Variants in CAMSAP2 observed in about 807,000 individuals in gnomAD.
CAMSAP2 encodes calmodulin-regulated spectrin-associated protein 2.
In CAMSAP2, 26 loss-of-function variants were observed where a neutral mutation model predicts 146.1. The ratio of observed to expected loss-of-function variants is 0.18; its 90% CI spans 0.13 to 0.25. CAMSAP2 has a LOEUF of 0.25. Among genes scored for constraint, CAMSAP2 ranks in the 10% least tolerant of loss-of-function variants. The pLI, the probability that CAMSAP2 is intolerant of heterozygous loss-of-function variation, is 1.00. For synonymous variants in CAMSAP2, 499 were observed against 596.6 expected, an observed-to-expected ratio of 0.84 and a Z score of 2.38; for missense variants, 1,381 against 1,759.3, an observed-to-expected ratio of 0.78 and a Z score of 3.85.
At chr1:200,803,930 T>A (rs1382582670) in intron 2 of CAMSAP2, among the ~76,000 whole-genome samples, 1 of 2,736 alleles carries the variant, frequency 3.7e-4, no homozygotes, top group African/African-American at 7.2e-4. Flanking sequence ...TCTGTTTTTC[T>A]TTTTTTTTTT....
chr1:200,837,235 A>G (rs1302993578), intron 6 of CAMSAP2, among the ~76,000 whole-genome samples: 3 of 152,120 alleles, frequency 2.0e-5, no homozygotes, highest in Non-Finnish European at 4.4e-5. Context: ...TTTATATTTA[A>G]TTCTTTAATC....
At chr1:200,753,897 A>C (rs1664577467) in intron 1 of CAMSAP2, among the ~76,000 whole-genome samples, 4 of 152,166 alleles carry the variant, frequency 2.6e-5, no homozygotes. Flanking sequence ...TCCACAGAAG[A>C]CTTGGGCAAG....
chr1:200,841,870 C>T, intron 6 of CAMSAP2, 124 bp from the exon 7 acceptor site: 1 of 683,314 alleles, frequency 1.5e-6, no homozygotes, highest in Non-Finnish European at 2.6e-6. Context: ...GTTTAATAGC[C>T]TACTATAGTG....
At chr1:200,756,140 T>C (rs966979203) in intron 1 of CAMSAP2, among the ~76,000 whole-genome samples, 1 of 152,104 alleles carries the variant, frequency 6.6e-6, no homozygotes, top group Non-Finnish European at 1.5e-5. Flanking sequence ...AGTTAATTAC[T>C]GAACTCAAGA....
chr1:200,776,326 C>T (rs116738995), intron 2 of CAMSAP2, among the ~76,000 whole-genome samples: 306 of 152,236 alleles, frequency 2.0e-3, no homozygotes, highest in African/African-American at 6.7e-3. Context: ...GGTTCCAACC[C>T]CTGATGCAGA....
chr1:200,805,203 TC>T (rs1280484526), intron 2 of CAMSAP2, among the ~76,000 whole-genome samples: 1 of 152,214 alleles, frequency 6.6e-6, no homozygotes, highest in African/African-American at 2.4e-5. Flanking sequence ...GCATTCTGCT[TC>T]TTACAAAGCG....
At chr1:200,770,514 T>C (rs6427858) in intron 2 of CAMSAP2, among the ~76,000 whole-genome samples, 93,842 of 151,348 alleles carry the variant, frequency 0.62, 29,295 homozygotes, top group East Asian at 0.71. Context: ...CCTGGGTTCA[T>C]GCCATTCTCT....
intron 2 of CAMSAP2, among the ~76,000 whole-genome samples, chr1:200,767,615 A>C (rs989220574): frequency 3.9e-5 from 6 of 152,060 alleles, no homozygotes; most frequent in African/African-American, 1.2e-4. Flanking sequence ...TTCCCTGTTT[A>C]AGAACAGGAT....
intron 4 of CAMSAP2, among the ~76,000 whole-genome samples, chr1:200,817,153 CACATACACACACGTGTGTGT>C (rs1300925625): frequency 1.8e-5 from 2 of 114,136 alleles, no homozygotes; most frequent in African/African-American, 3.7e-5. Context: ...TACACATACA[CACATACACACACGTGTGTGT>C]ATATACACAC....
chr1:200,759,016 A>C (rs1183206314), intron 1 of CAMSAP2, among the ~76,000 whole-genome samples: 1 of 152,188 alleles, frequency 6.6e-6, no homozygotes, highest in African/African-American at 2.4e-5. Flanking sequence ...ACTGTCCTGT[A>C]AAACTGTCAG....
At chr1:200,783,198 A>G (rs1001864732) in intron 2 of CAMSAP2, among the ~76,000 whole-genome samples, 6 of 152,090 alleles carry the variant, frequency 3.9e-5, no homozygotes, top group African/African-American at 1.2e-4. Context: ...TTCTTTGCCA[A>G]TACTTTTGGT....
At chr1:200,838,984 C>T (rs1463639674) in intron 6 of CAMSAP2, among the ~76,000 whole-genome samples, 1 of 152,160 alleles carries the variant, frequency 6.6e-6, no homozygotes, top group Non-Finnish European at 1.5e-5. Flanking sequence ...GAGATAAGGA[C>T]TGCAGTAAGA....
chr1:200,852,927 G>T (rs371014942), intron 12 of CAMSAP2, among the ~76,000 whole-genome samples: 1 of 151,762 alleles, frequency 6.6e-6, no homozygotes, highest in East Asian at 1.9e-4. Flanking sequence ...GGCATCTCAT[G>T]GGAAAGTTCT....
chr1:200,787,448 C>G (rs1386382929), intron 2 of CAMSAP2, among the ~76,000 whole-genome samples: 2 of 152,092 alleles, frequency 1.3e-5, no homozygotes, highest in Non-Finnish European at 2.9e-5. Context: ...AGGAAGAGAA[C>G]TATAATTAGA....
At chr1:200,817,310 GGTT>G (rs1281680466) in intron 4 of CAMSAP2, among the ~76,000 whole-genome samples, 2 of 144,706 alleles carry the variant, frequency 1.4e-5, no homozygotes, top group Non-Finnish European at 3.1e-5. Context: ...TGTACAGTAT[GGTT>G]GTTCTGTGAA....
intron 1 of CAMSAP2, among the ~76,000 whole-genome samples, chr1:200,751,351 T>A (rs1402242821): frequency 6.6e-6 from 1 of 151,538 alleles, no homozygotes; most frequent in Non-Finnish European, 1.5e-5. Context: ...TGAAGGATAG[T>A]TCCTGAACAT....
intron 2 of CAMSAP2, among the ~76,000 whole-genome samples, chr1:200,792,537 C>T (rs942385142): frequency 5.1e-4 from 77 of 152,082 alleles, no homozygotes; most frequent in Admixed American, 1.2e-3. Flanking sequence ...CCCAGCTACT[C>T]GGGAGGCTGA....
intron 2 of CAMSAP2, among the ~76,000 whole-genome samples, chr1:200,806,449 A>G: frequency 6.6e-6 from 1 of 152,206 alleles, no homozygotes; most frequent in East Asian, 1.9e-4. Context: ...AGAAACAGGC[A>G]GGCTGATAAC....
intron 4 of CAMSAP2, among the ~76,000 whole-genome samples, chr1:200,817,164 A>AG (rs1558191970): frequency 1.3e-5 from 1 of 79,790 alleles, no homozygotes; most frequent in East Asian, 5.6e-4. Flanking sequence ...ACATACACAC[A>AG]CGTGTGTGTA....
Sources: allele counts gnomAD v4.1 joint callset (sites outside exome capture counted in the v4.1 genomes callset), GRCh38; gene constraint gnomAD v4.1.1; transcripts MANE v1.5; gene names NCBI Gene and HGNC (gene_info 2026-07-23, HGNC 2026-07-21).